Variants in CAMK1D observed in about 807,000 individuals in gnomAD.
CAMK1D encodes the protein calcium/calmodulin-dependent protein kinase type 1D.
CAMK1D carries 9 observed loss-of-function variants against 47.7 expected under a neutral mutation model. The ratio of observed to expected loss-of-function variants is 0.19; its 90% CI spans 0.11 to 0.33. The LOEUF (loss-of-function observed/expected upper bound fraction) is 0.33, where lower values mean the gene tolerates loss of function less well. CAMK1D is among the 10% of genes least tolerant of loss of function. CAMK1D has a pLI of 1.00. For synonymous variants in CAMK1D, 184 were observed against 184.9 expected (o/e 0.99, Z 0.04); for missense variants, 291 against 488.7 (o/e 0.60, Z 3.81).
chr10:12,403,395 G>C (rs527829780), intron 1 of CAMK1D, among the ~76,000 whole-genome samples: 9 of 152,312 alleles, frequency 5.9e-5, no homozygotes, highest in Admixed American at 4.6e-4. Context: ...GTGCCCACCT[G>C]TCTTTCTTGG....
intron 1 of CAMK1D, among the ~76,000 whole-genome samples, chr10:12,470,817 G>A (rs1356212031): frequency 6.6e-6 from 1 of 152,238 alleles, no homozygotes; most frequent in East Asian, 1.9e-4. Flanking sequence ...TTGCCCGGTC[G>A]TGTGTGGTTT....
chr10:12,511,454 T>C (rs1835036685), intron 1 of CAMK1D, among the ~76,000 whole-genome samples: 1 of 151,712 alleles, frequency 6.6e-6, no homozygotes. Context: ...AAATAATAAA[T>C]AAACAAATTG....
chr10:12,456,034 C>T (rs80138267), intron 1 of CAMK1D, among the ~76,000 whole-genome samples: 3,641 of 152,220 alleles, frequency 0.024, 143 homozygotes, highest in African/African-American at 0.08. Flanking sequence ...ACATTGTTTC[C>T]TCATGCCTTC....
intron 3 of CAMK1D, among the ~76,000 whole-genome samples, chr10:12,731,852 T>C (rs888511604): frequency 5.9e-5 from 9 of 152,044 alleles, no homozygotes; most frequent in Non-Finnish European, 1.2e-4. Flanking sequence ...AGATTTAGGA[T>C]GGGGTTGCAG....
At chr10:12,626,475 CT>C (rs35033817) in intron 2 of CAMK1D, among the ~76,000 whole-genome samples, 199 of 136,278 alleles carry the variant, frequency 1.5e-3, no homozygotes, top group African/African-American at 3.0e-3. Flanking sequence ...TTCTTTCTTT[CT>C]TTTTTTTTTT....
intron 10 of CAMK1D, among the ~76,000 whole-genome samples, chr10:12,826,889 C>T (rs1262152277): frequency 1.3e-5 from 2 of 152,212 alleles, no homozygotes; most frequent in Non-Finnish European, 2.9e-5. Flanking sequence ...CAAAGCCCGT[C>T]GGGAGCACTC....
intron 1 of CAMK1D, among the ~76,000 whole-genome samples, chr10:12,479,747 C>A (rs1410188745): frequency 6.6e-6 from 1 of 152,192 alleles, no homozygotes; most frequent in Non-Finnish European, 1.5e-5. Flanking sequence ...AGCGGCTCTT[C>A]TTTCTTCTGG....
intron 1 of CAMK1D, among the ~76,000 whole-genome samples, chr10:12,513,255 C>T (rs1048596882): frequency 1.3e-5 from 2 of 152,198 alleles, no homozygotes; most frequent in East Asian, 1.9e-4. Flanking sequence ...CCACCCTGGA[C>T]GCGGGCAGCC....
At chr10:12,426,487 T>A (rs1275708790) in intron 1 of CAMK1D, among the ~76,000 whole-genome samples, 2 of 152,134 alleles carry the variant, frequency 1.3e-5, no homozygotes, top group African/African-American at 4.8e-5. Context: ...CTCAGCTGAT[T>A]GCCGGCCTCA....
chr10:12,744,779 T>C (rs11257965), intron 3 of CAMK1D, among the ~76,000 whole-genome samples: 1,955 of 151,018 alleles, frequency 0.013, 41 homozygotes, highest in African/African-American at 0.044. Context: ...CTCATGCCTG[T>C]AATCCCAGCT....
In CAMK1D at chr10:12,787,856, C is replaced by T. The variant is rs572439989; in HGVS notation, c.566-3302C>T. Reference sequence around the variant, plus strand: ...CTCTACTAAAAATACAAAAATTAGCCGGGCCTGGTGGTGCACGCCTGTAAT... The same window carrying T: ...CTCTACTAAAAATACAAAAATTAGCTGGGCCTGGTGGTGCACGCCTGTAAT... On this transcript the variant is annotated intron_variant, in intron 5 of 10. Coordinates refer to ENST00000619168, the MANE Select transcript of CAMK1D (RefSeq NM_153498.4). Among the ~76,000 whole-genome samples the T allele has an allele frequency of 2.3e-3, 347 of 152,208 alleles. 3 individuals are homozygous for T. The highest frequency in any genetic ancestry group is 7.9e-3 in the African/African-American group (326 of 41,528).
intron 3 of CAMK1D, among the ~76,000 whole-genome samples, chr10:12,733,768 G>A (rs540702425): frequency 2.0e-5 from 3 of 151,946 alleles, no homozygotes; most frequent in African/African-American, 4.8e-5. Flanking sequence ...CAAATGGTTC[G>A]ATGGTTCCTG....
chr10:12,788,801 C>T (rs1358529048), intron 5 of CAMK1D, among the ~76,000 whole-genome samples: 1 of 152,212 alleles, frequency 6.6e-6, no homozygotes, highest in Non-Finnish European at 1.5e-5. Flanking sequence ...AAGGGCGGCC[C>T]CTCCCAGGTT....
chr10:12,727,030 G>A (rs555978200), intron 3 of CAMK1D, among the ~76,000 whole-genome samples: 91 of 152,306 alleles, frequency 6.0e-4, no homozygotes, highest in Admixed American at 1.1e-3. Flanking sequence ...CTCCCCTTCC[G>A]CGTTATCCTC....
rs180735019 is a variant in CAMK1D, at chr10:12,643,062, C to T, written c.225-23674C>T. On this transcript the variant is annotated intron_variant, in intron 2 of 10. Coordinates refer to ENST00000619168, the MANE Select transcript of CAMK1D (RefSeq NM_153498.4). Reference sequence around the variant, plus strand: ...TGTTTCCTGGGCTGGAGTGCAGTGGCGTGATCTCAGCTCACTGCAACCTCC... The same window carrying T: ...TGTTTCCTGGGCTGGAGTGCAGTGGTGTGATCTCAGCTCACTGCAACCTCC... Among the ~76,000 whole-genome samples the T allele has an allele frequency of 8.7e-3, 1,323 of 152,192 alleles. 8 individuals carry two copies. Among genetic ancestry groups the T allele is most frequent in the Middle Eastern group, 0.014 (4 of 294 alleles).
intron 1 of CAMK1D, among the ~76,000 whole-genome samples, chr10:12,386,638 G>C (rs1292407426): frequency 6.6e-6 from 1 of 152,148 alleles, no homozygotes; most frequent in Non-Finnish European, 1.5e-5. Context: ...CAAATAATAT[G>C]ATCCCAATTT....
intron 3 of CAMK1D, among the ~76,000 whole-genome samples, chr10:12,689,236 C>T (rs1281925523): frequency 6.6e-6 from 1 of 152,210 alleles, no homozygotes; most frequent in Non-Finnish European, 1.5e-5. Flanking sequence ...TTACTCAGTT[C>T]TCTCCTCCTG....
intron 1 of CAMK1D, among the ~76,000 whole-genome samples, chr10:12,550,521 T>C (rs749259521): frequency 6.6e-6 from 1 of 152,136 alleles, no homozygotes; most frequent in Non-Finnish European, 1.5e-5. Context: ...TCTGGAATTG[T>C]TATGATTTGG....
At chr10:12,794,998 G>C (rs559152892) in intron 6 of CAMK1D, among the ~76,000 whole-genome samples, 208 of 152,230 alleles carry the variant, frequency 1.4e-3, no homozygotes, top group Non-Finnish European at 2.5e-3. Context: ...CCTTTGCACG[G>C]TGCCTGGAAT....
Sources: gnomAD v4.1 joint callset for allele counts (sites outside exome capture counted in the v4.1 genomes callset) on GRCh38, gnomAD v4.1.1 for gene constraint, MANE v1.5 for transcripts, NCBI Gene and HGNC (gene_info 2026-07-23, HGNC 2026-07-21) for gene names.